The following SNED1 variants were observed in gnomAD, a reference collection of about 807,000 sequenced individuals.
SNED1 encodes sushi, nidogen and EGF-like domain-containing protein 1.
SNED1 carries 81 observed loss-of-function variants against 166.7 expected under a neutral mutation model. The ratio of observed to expected loss-of-function variants is 0.49; its 90% confidence interval spans 0.41 to 0.58. SNED1 has a LOEUF of 0.58. Ranked by LOEUF, SNED1 falls within the 20% of genes least tolerant of loss-of-function variation. The probability of loss-of-function intolerance (pLI) is 0.00; values close to 1 mark genes in which losing one functional copy is unlikely to be tolerated. For synonymous variants in SNED1, 762 were observed against 822.0 expected (o/e 0.93, Z 1.25); for missense variants, 1,604 against 2,000.2 (o/e 0.80, Z 3.78).
In SNED1 at chr2:241,071,574, A is replaced by C; in HGVS notation, c.3590-2A>C. 6.3e-7 allele frequency: 1 copy of C among 1,582,086 alleles called. No homozygotes were observed. Among genetic ancestry groups the C allele is most frequent in the Non-Finnish European group, 8.5e-7 (1 of 1,171,696 alleles). ...AGCCCCTTCCTCCTGCCTGCTCTGC[A>C]GCCCCCAGGGATGGCGCTGACAGAC... On this transcript the variant is annotated splice_acceptor_variant, in intron 24 of 31. Transcript: ENST00000310397. LOFTEE classifies it high-confidence loss of function.
intron 1 of SNED1, among the ~76,000 whole-genome samples, chr2:241,023,484 T>TAAA (rs11410258): frequency 2.7e-5 from 4 of 149,966 alleles, no homozygotes; most frequent in African/African-American, 9.8e-5. Context: ...CAATATGTGG[T>TAAA]AAAAAAAAAA....
intron 27 of SNED1, among the ~76,000 whole-genome samples, chr2:241,080,562 G>A (rs190913882): frequency 8.5e-5 from 13 of 152,314 alleles, no homozygotes; most frequent in African/African-American, 3.1e-4. Flanking sequence ...AGGACATGTT[G>A]TGTAAAAAGC....
rs1285012927 is a variant in SNED1 at position 241,065,285 on chromosome 2, C to T, written c.2714-14C>T. The T allele has an allele frequency of 3.1e-6, 5 of 1,611,956 alleles. No homozygotes were observed. Among genetic ancestry groups the T allele is most frequent in the Middle Eastern group, 1.6e-4 (1 of 6,080 alleles). ...GACCAGTCCCCTCCCCTTGTTTTGA[C>T]CCAAACCCTGAAGAGCTCTTCCCAC... On this transcript the variant is annotated splice_polypyrimidine_tract_variant and intron_variant, in intron 20 of 31. Coordinates refer to ENST00000310397, the MANE Select transcript of SNED1 (RefSeq NM_001080437.3).
chr2:241,028,615 C>G (rs2061059545), intron 1 of SNED1, among the ~76,000 whole-genome samples: 1 of 152,186 alleles, frequency 6.6e-6, no homozygotes, highest in Non-Finnish European at 1.5e-5. Flanking sequence ...AGGCTTATTT[C>G]TGGGTTCTGT....
intron 8 of SNED1, among the ~76,000 whole-genome samples, chr2:241,046,281 T>C (rs1229302599): frequency 6.6e-6 from 1 of 152,246 alleles, no homozygotes; most frequent in African/African-American, 2.4e-5. Flanking sequence ...GCTTATAATA[T>C]GCCCCAGCAA....
intron 6 of SNED1, among the ~76,000 whole-genome samples, chr2:241,038,076 C>A (rs1484025309): frequency 6.6e-6 from 1 of 151,906 alleles, no homozygotes; most frequent in South Asian, 2.1e-4. Context: ...TGGACCCCCC[C>A]CCAATTCCTG....
intron 21 of SNED1, 114 bp downstream of exon 21, chr2:241,065,709 C>CT (rs2062416751): frequency 8.9e-6 from 8 of 895,708 alleles, no homozygotes; most frequent in Non-Finnish European, 1.4e-5. Context: ...GTTCTTGCAG[C>CT]AGCAAGACAG....
At chr2:241,090,221 A>G in intron 31 of SNED1, 2 of 1,483,582 alleles carry the variant, frequency 1.3e-6, no homozygotes, top group South Asian at 2.7e-5. Flanking sequence ...ATTGTTTTTT[A>G]CTATTTAACT....
chr2:241,000,971 G>A (rs1036151524), intron 1 of SNED1, among the ~76,000 whole-genome samples: 1 of 152,220 alleles, frequency 6.6e-6, no homozygotes, highest in African/African-American at 2.4e-5. Context: ...GGTTAGGGCT[G>A]AAGCCAGGTG....
At position 241,091,180 on chromosome 2, in the gene SNED1, C is replaced by T. The variant is rs1325588159; in HGVS notation, c.*2-458C>T. On this transcript the variant is annotated intron_variant, in intron 31 of 31. Transcript: ENST00000310397. The surrounding 1 kb of genome is among the most constrained non-coding windows in gnomAD (Gnocchi z 4.1). ...TTCTTGAAATAATGGAGACAACACA[C>T]AAAAAAGCAGGAAACAGAAACACAC... is the stretch of plus-strand genomic sequence containing the variant. Among the ~76,000 whole-genome samples the T allele has an allele frequency of 1.3e-5, 2 of 152,116 alleles. No individual in the cohort carries two copies. The highest frequency in any genetic ancestry group is 6.5e-5 in the Admixed American group (1 of 15,278).
chr2:241,014,897 A>G (rs1012766966), intron 1 of SNED1, among the ~76,000 whole-genome samples: 1 of 152,158 alleles, frequency 6.6e-6, no homozygotes, highest in African/African-American at 2.4e-5. Context: ...AAGCAGAGCC[A>G]GCACCCTTGT....
At chr2:241,020,563 A>T (rs776315903) in intron 1 of SNED1, among the ~76,000 whole-genome samples, 9 of 152,154 alleles carry the variant, frequency 5.9e-5, no homozygotes, top group Non-Finnish European at 1.3e-4. Context: ...TCTTGAACAT[A>T]CCATTTCCTT....
chr2:241,041,244 G>A (rs1157648038), intron 8 of SNED1: 8 of 165,984 alleles, frequency 4.8e-5, no homozygotes, highest in African/African-American at 1.2e-4. Context: ...TCACTGTTCC[G>A]TGTCACAGCT....
At chr2:241,057,839 AATAATAAG>A (rs1347536264) in intron 16 of SNED1, among the ~76,000 whole-genome samples, 3 of 152,016 alleles carry the variant, frequency 2.0e-5, no homozygotes, top group South Asian at 2.1e-4. Flanking sequence ...GAAGTAAGAT[AATAATAAG>A]ATAATAAGAT....
rs1559318981 is a variant in SNED1, at chr2:241,088,413, G to C, written c.*1+11G>C. 1 of 1,608,080 alleles carries C rather than the reference G, an allele frequency of 6.2e-7. No individual in the cohort carries two copies. The highest frequency in any genetic ancestry group is 1.3e-5 in the African/African-American group (1 of 74,920). On this transcript the variant is annotated intron_variant, in intron 31 of 31. Coordinates refer to ENST00000310397, the MANE Select transcript of SNED1 (RefSeq NM_001080437.3). ...TGGAGAAATCTTAAGGTACGTCCCT[G>C]CTGCTCCCGCCCCACTACCACAGAG...
chr2:241,071,057 G>A (rs1324752968), intron 24 of SNED1, among the ~76,000 whole-genome samples: 1 of 152,234 alleles, frequency 6.6e-6, no homozygotes, highest in East Asian at 1.9e-4. Flanking sequence ...ACCTCTGTGA[G>A]CCGGCGTCAG....
At chr2:241,087,750 T>C (rs1364600879) in intron 30 of SNED1, 1 of 1,239,568 alleles carries the variant, frequency 8.1e-7, no homozygotes, top group Non-Finnish European at 1.0e-6. Flanking sequence ...GTGCTACAAT[T>C]GGGAAGCACA....
chr2:241,015,233 G>C (rs1283733752), intron 1 of SNED1, among the ~76,000 whole-genome samples: 1 of 152,194 alleles, frequency 6.6e-6, no homozygotes, highest in Admixed American at 6.5e-5. Flanking sequence ...ATTGAGTCGT[G>C]CAATCTAGGA....
intron 1 of SNED1, among the ~76,000 whole-genome samples, chr2:241,019,940 T>C (rs938196582): frequency 6.6e-6 from 1 of 152,118 alleles, no homozygotes; most frequent in Non-Finnish European, 1.5e-5. Context: ...AAAGCAGCCG[T>C]AGACAGTAAG....
Sources: gnomAD v4.1 joint callset for allele counts (sites outside exome capture counted in the v4.1 genomes callset) on GRCh38, gnomAD v4.1.1 for gene constraint, Gnocchi (gnomAD v3.1) non-coding constraint, MANE v1.5 for transcripts, NCBI Gene and HGNC (gene_info 2026-07-23, HGNC 2026-07-21) for gene names.